Variants in METTL25 observed in about 807,000 individuals in gnomAD.
The protein encoded by METTL25 is methyltransferase like 25.
Under a neutral mutation model 71.6 loss-of-function variants are expected in METTL25, and 64 were observed. The ratio of observed to expected loss-of-function variants is 0.89; its 90% confidence interval spans 0.73 to 1.10. METTL25 has a LOEUF of 1.10. Among genes scored for constraint, METTL25 ranks in the 50% least tolerant of loss-of-function variants. The probability of loss-of-function intolerance (pLI) is 0.00; values close to 1 mark genes in which losing one functional copy is unlikely to be tolerated. For missense variants in METTL25, 807 were observed against 707.0 expected (o/e 1.14, Z -1.60); for synonymous variants, 287 against 250.3 (o/e 1.15, Z -1.38).
chr12:82,418,514 C>T (rs754709863), intron 5 of METTL25, among the ~76,000 whole-genome samples: 1 of 152,098 alleles, frequency 6.6e-6, no homozygotes, highest in Non-Finnish European at 1.5e-5. Flanking sequence ...TAATCTCCAC[C>T]TGAGCAGTTA....
At chr12:82,406,255 T>C (rs1887079764) in intron 5 of METTL25, among the ~76,000 whole-genome samples, 1 of 152,162 alleles carries the variant, frequency 6.6e-6, no homozygotes, top group Admixed American at 6.5e-5. Context: ...TTATTAGTAA[T>C]TTTTTAAAAA....
chr12:82,436,474 C>G (rs1296594927), intron 7 of METTL25, among the ~76,000 whole-genome samples: 1 of 151,522 alleles, frequency 6.6e-6, no homozygotes, highest in African/African-American at 2.4e-5. Flanking sequence ...TCCACTTACC[C>G]ATTTGTATTT....
chr12:82,414,582 G>T (rs1341355120), intron 5 of METTL25, among the ~76,000 whole-genome samples: 1 of 152,120 alleles, frequency 6.6e-6, no homozygotes, highest in African/African-American at 2.4e-5. Context: ...AGCCAATAAT[G>T]TGTTTAAATC....
rs1333970745 is a variant in METTL25, at chr12:82,358,704, T to C, written c.139T>C (p.Trp47Arg). 1.2e-6 allele frequency: 2 copies of C among 1,614,044 alleles called. No homozygotes were observed. Among genetic ancestry groups the C allele is most frequent in the South Asian group, 2.2e-5 (2 of 91,080 alleles). Residue 47 changes from tryptophan to arginine, a missense_variant, in exon 1 of 12, where the codon TGG becomes CGG. Trp to Arg is a moderately radical substitution (Grantham distance 101). Coordinates refer to ENST00000248306, the MANE Select transcript of METTL25 (RefSeq NM_032230.3). ...HTVDFYTESV[W>R]EELVDLPPET... The stretch of plus-strand genomic sequence containing the variant: ...CGTGGATTTCTACACAGAATCCGTG[T>C]GGGAGGAGCTGGTCGACTTGCCACC...
chr12:82,421,062 A>G (rs148484677), intron 5 of METTL25, among the ~76,000 whole-genome samples: 1 of 152,112 alleles, frequency 6.6e-6, no homozygotes, highest in Non-Finnish European at 1.5e-5. Context: ...GGGTTTCGCC[A>G]TGTTGGCCAG....
At chr12:82,467,044 C>G (rs558224482) in intron 9 of METTL25, among the ~76,000 whole-genome samples, 1 of 151,724 alleles carries the variant, frequency 6.6e-6, no homozygotes, top group East Asian at 1.9e-4. Context: ...GCCAGAATAT[C>G]TTTTTGTAAT....
chr12:82,416,588 G>A (rs542552261), intron 5 of METTL25, among the ~76,000 whole-genome samples: 1 of 151,592 alleles, frequency 6.6e-6, no homozygotes, highest in Non-Finnish European at 1.5e-5. Flanking sequence ...CTACTGGTGC[G>A]TGACACCACA....
Position 82,479,015 on chromosome 12 carries a change from G to T in METTL25, c.1803G>T (p.Lys601Asn). ...GTTATGCTGTTATTGCCCTGAAGAA[G>T]CAGCAGTGATTTCCATTGAAGCAAA... ...PRCYAVIALK[K>N]QQ The change falls in exon 12 of 12, where the codon AAG (lysine) becomes AAT (asparagine). Residue 601 changes from lysine to asparagine, a missense_variant. Coordinates refer to ENST00000248306, the MANE Select transcript of METTL25 (RefSeq NM_032230.3). 1 of 1,611,766 alleles carries T rather than the reference G, an allele frequency of 6.2e-7. No homozygotes were observed. Among genetic ancestry groups the T allele is most frequent in the Non-Finnish European group, 8.5e-7 (1 of 1,178,392 alleles).
At chr12:82,368,179 G>A (rs1012792771) in intron 1 of METTL25, among the ~76,000 whole-genome samples, 13 of 151,846 alleles carry the variant, frequency 8.6e-5, no homozygotes, top group African/African-American at 3.1e-4. Flanking sequence ...CTTGCACAGG[G>A]CATTTAACTG....
intron 8 of METTL25, among the ~76,000 whole-genome samples, chr12:82,454,238 C>A (rs138020017): frequency 6.6e-6 from 1 of 152,066 alleles, no homozygotes; most frequent in Non-Finnish European, 1.5e-5. Flanking sequence ...AGGAGCCCAA[C>A]TTCTGGAGGG....
chr12:82,415,067 G>A (rs1325598509), intron 5 of METTL25, among the ~76,000 whole-genome samples: 1 of 152,070 alleles, frequency 6.6e-6, no homozygotes, highest in African/African-American at 2.4e-5. Context: ...AAACTCCACT[G>A]GGAAGCTCCT....
At chr12:82,472,170 C>T (rs1892608372) in intron 9 of METTL25, among the ~76,000 whole-genome samples, 2 of 152,032 alleles carry the variant, frequency 1.3e-5, no homozygotes, top group Admixed American at 1.3e-4. Context: ...AGTAGCAGAG[C>T]CAATTGTTCA....
chr12:82,417,944 C>T (rs1888132634), intron 5 of METTL25, among the ~76,000 whole-genome samples: 1 of 152,030 alleles, frequency 6.6e-6, no homozygotes, highest in African/African-American at 2.4e-5. Context: ...AAGTAAAAAA[C>T]CCAAAGGCAG....
chr12:82,424,625 T>C lies in METTL25; in HGVS notation c.1280-6268T>C, dbSNP rs138073404. 1.4e-3 allele frequency among the ~76,000 whole-genome samples: 220 copies of C among 151,966 alleles called. 1 individual carries two copies. Among genetic ancestry groups the C allele is most frequent in the African/African-American group, 5.1e-3 (212 of 41,474 alleles). ...AGACTATAGGATTCCAGATATAATA[T>C]AGGAATGGTAATGGGTTGATAAATA... is the stretch of plus-strand genomic sequence containing the variant. On this transcript the variant is annotated intron_variant, in intron 5 of 11. Coordinates refer to ENST00000248306, the MANE Select transcript of METTL25 (RefSeq NM_032230.3).
chr12:82,452,922 A>G (rs865873576), intron 8 of METTL25, among the ~76,000 whole-genome samples: 1 of 152,170 alleles, frequency 6.6e-6, no homozygotes, highest in African/African-American at 2.4e-5. Flanking sequence ...AAGAGGTTGT[A>G]TAAGGGTAGA....
At chr12:82,404,502 A>G (rs1347729446) in intron 5 of METTL25, among the ~76,000 whole-genome samples, 1 of 152,172 alleles carries the variant, frequency 6.6e-6, no homozygotes, top group African/African-American at 2.4e-5. Context: ...TGTTCTGTGT[A>G]TAACATTTTC....
At chr12:82,372,439 G>A (rs565477326) in intron 1 of METTL25, among the ~76,000 whole-genome samples, 6 of 152,276 alleles carry the variant, frequency 3.9e-5, no homozygotes, top group African/African-American at 1.4e-4. Flanking sequence ...TAAGCTGAGA[G>A]GTCCTCCTGT....
chr12:82,370,841 C>T (rs1883157773), intron 1 of METTL25, among the ~76,000 whole-genome samples: 1 of 152,000 alleles, frequency 6.6e-6, no homozygotes, highest in Non-Finnish European at 1.5e-5. Flanking sequence ...CTTTCCCTGC[C>T]TCTGCCAGCC....
chr12:82,430,731 T>G (rs1223762066), intron 5 of METTL25, among the ~76,000 whole-genome samples, 162 bp from the exon 6 acceptor site: 1 of 151,742 alleles, frequency 6.6e-6, no homozygotes, highest in Non-Finnish European at 1.5e-5. Flanking sequence ...TTGTATGCTT[T>G]CAATTAACAA....
Sources: gnomAD v4.1 joint callset for allele counts (sites outside exome capture counted in the v4.1 genomes callset) on GRCh38, gnomAD v4.1.1 for gene constraint, MANE v1.5 for transcripts, NCBI Gene and HGNC (gene_info 2026-07-23, HGNC 2026-07-21) for gene names.